The following HYDIN variants were observed in gnomAD, a reference collection of about 807,000 sequenced individuals.
The protein encoded by HYDIN is axonemal central pair apparatus protein HYDIN.
HYDIN carries 132 observed loss-of-function variants against 403.9 expected under a neutral mutation model. That is an observed-to-expected ratio of 0.33 (90% CI 0.28 to 0.38). The LOEUF is 0.38. HYDIN is among the 10% of genes least tolerant of loss of function. The pLI is 1.00. For missense variants in HYDIN, 2,827 were observed against 5,009.5 expected, an observed-to-expected ratio of 0.56 and a Z score of 13.15; for synonymous variants, 1,202 against 1,891.7, an observed-to-expected ratio of 0.64 and a Z score of 9.46.
intron 18 of HYDIN, among the ~76,000 whole-genome samples, chr16:71,041,439 T>C (rs1440136551): frequency 6.6e-6 from 1 of 152,226 alleles, no homozygotes; most frequent in Non-Finnish European, 1.5e-5. Flanking sequence ...CAAGCATTGC[T>C]TATAGTAGTA....
At chr16:71,214,576 T>C (rs2088774439) in intron 1 of HYDIN, among the ~76,000 whole-genome samples, 1 of 152,212 alleles carries the variant, frequency 6.6e-6, no homozygotes, top group African/African-American at 2.4e-5. Context: ...TATTTCACTT[T>C]TTCTGTCCTT....
At chr16:71,030,764 T>C (rs1309126872) in intron 19 of HYDIN, among the ~76,000 whole-genome samples, 1 of 152,216 alleles carries the variant, frequency 6.6e-6, no homozygotes, top group Admixed American at 6.5e-5. Flanking sequence ...TTTAGATTGT[T>C]CTGCTCAGAG....
chr16:70,829,611 A>G lies in HYDIN; in HGVS notation c.14112+7T>C, dbSNP rs1334834812. ...AAACCAATGGGGGTGGGGGGACCTCAGTCTACCTGGTGCTTGCGGTTCTCC... is the reference window on the plus strand; with the variant it reads ...AAACCAATGGGGGTGGGGGGACCTCGGTCTACCTGGTGCTTGCGGTTCTCC... On this transcript the variant is annotated splice_region_variant and intron_variant, in intron 81 of 85. Coordinates refer to ENST00000393567, the MANE Select transcript of HYDIN (RefSeq NM_001270974.2). 2 of 1,612,070 alleles carry G rather than the reference A, an allele frequency of 1.2e-6. No homozygotes were observed. The highest frequency in any genetic ancestry group is 3.3e-5 in the Admixed American group (2 of 60,016).
intron 10 of HYDIN, among the ~76,000 whole-genome samples, chr16:71,097,771 T>C (rs895496929): frequency 2.0e-5 from 3 of 149,754 alleles, no homozygotes; most frequent in Non-Finnish European, 2.9e-5. Context: ...AAAGAGGATA[T>C]ATTTGCTCTG....
At chr16:71,001,955 T>A in intron 23 of HYDIN, among the ~76,000 whole-genome samples, 1 of 152,270 alleles carries the variant, frequency 6.6e-6, no homozygotes, top group Non-Finnish European at 1.5e-5. Context: ...ACAAGATTAC[T>A]AATGAGGTGG....
chr16:71,069,293 G>C lies in HYDIN; in HGVS notation c.1948C>G (p.Arg650Gly), dbSNP rs140028548. The part of the protein sequence containing the change: ...FTISPDCGTI[R>G]PQGFAAIRVT... ...CTGATAGCAGCAAATCCCTGGGGGC[G>C]AATGGTGCCACAGTCAGGAGAGATG... The change falls in exon 14 of 86, where the codon CGC (arginine) becomes GGC (glycine). Residue 650 changes from arginine (R) to glycine (G), a missense_variant. By Grantham distance (125) the Arg-to-Gly change is moderately radical. Transcript: ENST00000393567. The C allele has an allele frequency of 1.9e-6, 3 of 1,613,356 alleles. No individual in the cohort carries two copies. In the African/African-American group the frequency reaches 4.0e-5, roughly 22 times the overall value.
intron 1 of HYDIN, among the ~76,000 whole-genome samples, chr16:71,214,282 C>T (rs1182187022): frequency 6.6e-6 from 1 of 151,892 alleles, no homozygotes; most frequent in Non-Finnish European, 1.5e-5. Context: ...TTAGAAAATT[C>T]AGTATTGTAA....
At chr16:71,066,539 T>A in intron 15 of HYDIN, 1 of 188,414 alleles carries the variant, frequency 5.3e-6, no homozygotes. Flanking sequence ...ATACATAGCA[T>A]TTGCATACAT....
chr16:71,067,309 C>T lies in HYDIN; in HGVS notation c.2056G>A (p.Ala686Thr), dbSNP rs773574100. ...CAATACCTTGCTGTAATTAAGAGCG[C>T]CAGCACCTCTTCTCCGATGCCCTCC... ...DVEGIGEEVLALLITARCVVP... is the reference protein window; with the variant it reads ...DVEGIGEEVLTLLITARCVVP... Residue 686 changes from alanine to threonine, a missense_variant, in exon 15 of 86, where the codon GCG becomes ACG. By Grantham distance (58) the Ala-to-Thr change is moderately conservative. Coordinates refer to ENST00000393567, the MANE Select transcript of HYDIN (RefSeq NM_001270974.2). 54 of 1,611,938 alleles carry T rather than the reference C, an allele frequency of 3.4e-5. 1 individual carries two copies. The South Asian group carries it at 4.5e-4, about 13-fold the overall frequency.
chr16:70,989,055 AT>A lies in HYDIN; in HGVS notation c.3865-544del, dbSNP rs1323408961. The stretch of plus-strand genomic sequence containing the variant: ...TTTATATGTACACACATGTACATAT[AT>A]ATGTACATATATATTTTATTTTTGA... On this transcript the variant is annotated intron_variant, in intron 25 of 85. Transcript: ENST00000393567. Among the ~76,000 whole-genome samples the A allele has an allele frequency of 4.2e-4, 64 of 152,204 alleles. 5 individuals carry two copies. The South Asian group carries it at 0.013, about 32-fold the overall frequency.
intron 9 of HYDIN, among the ~76,000 whole-genome samples, chr16:71,124,582 T>C (rs2084378497): frequency 1.3e-5 from 2 of 150,842 alleles, no homozygotes; most frequent in Admixed American, 6.6e-5. Context: ...AGATGTGAGA[T>C]AGATAGATAT....
chr16:71,203,796 T>A (rs968828214), intron 1 of HYDIN: 3 of 455,910 alleles, frequency 6.6e-6, no homozygotes, highest in Non-Finnish European at 8.8e-6. Context: ...CCAGAACAGA[T>A]AACAGAAAAT....
At chr16:71,228,292 A>G (rs1174738649) in intron 1 of HYDIN, among the ~76,000 whole-genome samples, 2 of 152,182 alleles carry the variant, frequency 1.3e-5, no homozygotes, top group African/African-American at 2.4e-5. Flanking sequence ...AATGGCAACA[A>G]AAGCCAGAAT....
chr16:71,074,254 G>C (rs1331610873), intron 13 of HYDIN, among the ~76,000 whole-genome samples: 1 of 150,826 alleles, frequency 6.6e-6, no homozygotes, highest in Non-Finnish European at 1.5e-5. Context: ...CTTATTCCTG[G>C]AATGATCAGT....
chr16:70,921,164 T>C lies in HYDIN; in HGVS notation c.7212A>G (p.Ile2404Met). 3.4e-6 allele frequency: 5 copies of C among 1,480,798 alleles called. No individual in the cohort carries two copies. Among genetic ancestry groups the C allele is most frequent in the Non-Finnish European group, 4.6e-6 (5 of 1,093,936 alleles). The allele number at this position is 1,480,798 out of a possible 1,614,324, so 91.7% of individuals were successfully genotyped here. A position where few individuals can be genotyped will look rare whatever the true frequency, so the allele number is the denominator to read the frequency against. ...CAGACATTGTTTGTTCCCTAACAGA[T>C]ATTTTCCTTTCGATTGTCTCCATCT... ...DVKMETIERKISVREQTMSEK... is the reference protein window; with the variant it reads ...DVKMETIERKMSVREQTMSEK... The change falls in exon 46 of 86, where the codon ATA (isoleucine) becomes ATG (methionine). Residue 2404 changes from isoleucine (I) to methionine (M), a missense_variant. Ile to Met is a conservative substitution (Grantham distance 10). Coordinates refer to ENST00000393567, the MANE Select transcript of HYDIN (RefSeq NM_001270974.2).
Position 70,941,618 on chromosome 16 carries a change from A to G in HYDIN, c.6853+18T>C. ...TCAAAGTTTCACTTAAGCCCAATGG[A>G]AAGGTAGGAGGCCTTGCCTTCTTGC... is the stretch of plus-strand genomic sequence containing the variant. On this transcript the variant is annotated intron_variant, in intron 43 of 85. Coordinates refer to ENST00000393567, the MANE Select transcript of HYDIN (RefSeq NM_001270974.2). The G allele has an allele frequency of 1.4e-6, 2 of 1,474,592 alleles. No homozygotes were observed. Among genetic ancestry groups the G allele is most frequent in the Admixed American group, 2.5e-5 (1 of 40,246 alleles). The allele number at this position is 1,474,592 out of a possible 1,614,324, so 91.3% of individuals were successfully genotyped here.
chr16:70,961,778 A>C lies in HYDIN; in HGVS notation c.5968+181T>G, dbSNP rs145891044. ...ATGCTAAGCTCATCACCCAACTCTC[A>C]AGCTTGTATCCTACTGTGAGTGGCA... On this transcript the variant is annotated intron_variant, in intron 38 of 85. Transcript: ENST00000393567. Among the ~76,000 whole-genome samples the C allele has an allele frequency of 4.3e-4, 66 of 152,102 alleles. 1 individual carries two copies. The highest frequency in any genetic ancestry group is 1.5e-3 in the African/African-American group (64 of 41,472).
chr16:71,178,894 G>T, intron 4 of HYDIN, 34 bp downstream of exon 4: 1 of 1,585,926 alleles, frequency 6.3e-7, no homozygotes, highest in African/African-American at 1.4e-5. Context: ...CATATATCCT[G>T]GAACAGTTCA....
intron 45 of HYDIN, among the ~76,000 whole-genome samples, chr16:70,933,227 G>A (rs2077401332): frequency 6.6e-6 from 1 of 152,152 alleles, no homozygotes; most frequent in Admixed American, 6.5e-5. Context: ...ATTTAGGAGG[G>A]GGACTCCCTC....
Sources: allele counts gnomAD v4.1 joint callset (sites outside exome capture counted in the v4.1 genomes callset), GRCh38; gene constraint gnomAD v4.1.1; transcripts MANE v1.5; gene names NCBI Gene and HGNC (gene_info 2026-07-23, HGNC 2026-07-21).